The following ST6GAL1 variants were observed in gnomAD, a reference collection of about 807,000 sequenced individuals.
ST6GAL1 encodes the protein ST6 beta-galactoside alpha-2,6-sialyltransferase 1.
ST6GAL1 carries 20 observed loss-of-function variants against 38.0 expected under a neutral mutation model. The ratio of observed to expected loss-of-function variants is 0.53; its 90% confidence interval spans 0.37 to 0.77. ST6GAL1 has a LOEUF of 0.77. Among genes scored for constraint, ST6GAL1 ranks in the 30% least tolerant of loss-of-function variants. The pLI, the probability that ST6GAL1 is intolerant of heterozygous loss-of-function variation, is 0.00. For missense variants in ST6GAL1, 432 were observed against 496.4 expected (o/e 0.87, Z 1.23); for synonymous variants, 196 against 188.2 (o/e 1.04, Z -0.34).
At chr3:187,045,131 A>G (rs1718251161) in intron 4 of ST6GAL1, among the ~76,000 whole-genome samples, 1 of 152,200 alleles carries the variant, frequency 6.6e-6, no homozygotes, top group Admixed American at 6.5e-5. Context: ...TCTCTTCCCA[A>G]CTACTGGATG....
intron 5 of ST6GAL1, among the ~76,000 whole-genome samples, chr3:187,071,734 T>C (rs558537603): frequency 4.2e-4 from 56 of 133,872 alleles, no homozygotes; most frequent in African/African-American, 1.5e-3. Flanking sequence ...CACTCCAGCC[T>C]GGGCGACACA....
intron 5 of ST6GAL1, among the ~76,000 whole-genome samples, chr3:187,069,167 GCT>G (rs1719276887): frequency 6.7e-6 from 1 of 149,246 alleles, no homozygotes. Flanking sequence ...ACGGAGTCTC[GCT>G]CTGTCGCCAG....
intron 1 of ST6GAL1, among the ~76,000 whole-genome samples, chr3:186,940,878 TA>T (rs1171950963): frequency 1.3e-5 from 2 of 151,282 alleles, no homozygotes; most frequent in Non-Finnish European, 2.9e-5. Context: ...TGTATTCCCA[TA>T]AAAATATATT....
intron 2 of ST6GAL1, among the ~76,000 whole-genome samples, chr3:186,968,189 C>G (rs1311687875): frequency 6.6e-6 from 1 of 152,196 alleles, no homozygotes; most frequent in East Asian, 1.9e-4. Flanking sequence ...CTGAGCCTGA[C>G]CTGACCATAG....
chr3:187,018,946 C>A (rs1359265095), intron 2 of ST6GAL1, among the ~76,000 whole-genome samples: 2 of 152,180 alleles, frequency 1.3e-5, no homozygotes, highest in African/African-American at 4.8e-5. Flanking sequence ...GAAGCACGTT[C>A]ACCACGGCAA....
chr3:187,034,456 A>G (rs116351848), intron 2 of ST6GAL1, among the ~76,000 whole-genome samples: 4,875 of 152,298 alleles, frequency 0.032, 288 homozygotes, highest in African/African-American at 0.11. Flanking sequence ...CAGTAAAAAA[A>G]GAAAACCGCA....
intron 2 of ST6GAL1, among the ~76,000 whole-genome samples, chr3:186,965,642 G>A (rs779400135): frequency 7.2e-5 from 11 of 152,332 alleles, no homozygotes; most frequent in African/African-American, 1.4e-4. Context: ...GCGAAAGTAC[G>A]TACTCCTGGG....
intron 2 of ST6GAL1, among the ~76,000 whole-genome samples, chr3:187,012,294 G>C (rs1265637016): frequency 6.7e-6 from 1 of 150,066 alleles, no homozygotes; most frequent in East Asian, 1.9e-4. Flanking sequence ...GTCCTGCTCT[G>C]TCTCCCAGGC....
intron 1 of ST6GAL1, among the ~76,000 whole-genome samples, chr3:186,944,626 A>G (rs939340002): frequency 6.6e-6 from 1 of 152,270 alleles, no homozygotes; most frequent in African/African-American, 2.4e-5. Flanking sequence ...GTCATTACAG[A>G]AAAAGTTACC....
At chr3:187,027,210 C>T (rs1040299874) in intron 2 of ST6GAL1, among the ~76,000 whole-genome samples, 3 of 152,086 alleles carry the variant, frequency 2.0e-5, no homozygotes, top group African/African-American at 7.2e-5. Context: ...TTTAAAATTA[C>T]TGTAAAAGTC....
intron 2 of ST6GAL1, among the ~76,000 whole-genome samples, chr3:187,036,115 C>CA (rs1273836950): frequency 6.6e-6 from 1 of 152,142 alleles, no homozygotes. Flanking sequence ...AGACAATTCT[C>CA]AAAAGATGCA....
chr3:186,938,541 T>C (rs1174824271), intron 1 of ST6GAL1, among the ~76,000 whole-genome samples: 1 of 152,192 alleles, frequency 6.6e-6, no homozygotes, highest in Non-Finnish European at 1.5e-5. Context: ...ACACTTTTGC[T>C]CCTGATATTT....
chr3:187,042,540 G>T (rs1299449544), intron 3 of ST6GAL1, 114 bp from the exon 4 acceptor site: 1 of 1,011,030 alleles, frequency 9.9e-7, no homozygotes, highest in South Asian at 1.6e-5. Flanking sequence ...GGTAGACCAG[G>T]GCTGGAATTC....
At chr3:187,036,042 CTT>C (rs1241967779) in intron 2 of ST6GAL1, among the ~76,000 whole-genome samples, 2 of 152,088 alleles carry the variant, frequency 1.3e-5, no homozygotes, top group Non-Finnish European at 2.9e-5. Context: ...CTATAAGAAA[CTT>C]AAACAATTGA....
chr3:186,967,191 T>A (rs550174473), intron 2 of ST6GAL1, among the ~76,000 whole-genome samples: 1 of 152,322 alleles, frequency 6.6e-6, no homozygotes, highest in African/African-American at 2.4e-5. Flanking sequence ...GGTGTTTTTT[T>A]GTTTGTTCGT....
intron 1 of ST6GAL1, among the ~76,000 whole-genome samples, chr3:186,941,391 T>C (rs578135243): frequency 3.7e-4 from 57 of 152,282 alleles, no homozygotes; most frequent in African/African-American, 1.4e-3. Flanking sequence ...CAGAGAGTGA[T>C]AAAATGATGC....
chr3:187,043,786 G>T (rs1332706989), intron 4 of ST6GAL1: 1 of 152,558 alleles, frequency 6.6e-6, no homozygotes, highest in African/African-American at 2.4e-5. Context: ...CCTTTGAAAA[G>T]ACTTGAAGCA....
At chr3:186,998,790 G>T (rs1159843530) in intron 2 of ST6GAL1, among the ~76,000 whole-genome samples, 1 of 152,140 alleles carries the variant, frequency 6.6e-6, no homozygotes, top group Non-Finnish European at 1.5e-5. Context: ...TACACTTACA[G>T]CACGTCTCAT....
chr3:187,019,936 C>T (rs1033917254), intron 2 of ST6GAL1, among the ~76,000 whole-genome samples: 3 of 152,190 alleles, frequency 2.0e-5, no homozygotes, highest in African/African-American at 4.8e-5. Context: ...CAGAGAGGCT[C>T]GCAGTAGCCC....
Sources: allele counts gnomAD v4.1 joint callset (sites outside exome capture counted in the v4.1 genomes callset), GRCh38; gene constraint gnomAD v4.1.1; transcripts MANE v1.5; gene names NCBI Gene and HGNC (gene_info 2026-07-23, HGNC 2026-07-21).